Variants in KSR2 observed in about 807,000 individuals in gnomAD.
The protein encoded by KSR2 is kinase suppressor of ras 2.
In KSR2, 25 loss-of-function variants were observed where a neutral mutation model predicts 107.8. The observed-to-expected ratio is 0.23, with a 90% CI of 0.17 to 0.32. The LOEUF is 0.32. Ranked by LOEUF, KSR2 falls within the 10% of genes least tolerant of loss-of-function variation. The probability of loss-of-function intolerance (pLI) is 1.00; values close to 1 mark genes in which losing one functional copy is unlikely to be tolerated. For missense variants in KSR2, 887 were observed against 1,268.9 expected (o/e 0.70, Z 4.57); for synonymous variants, 480 against 507.0 (o/e 0.95, Z 0.71).
At chr12:117,555,061 C>T (rs986956500) in intron 9 of KSR2, 108 bp downstream of exon 9, 83 of 1,351,718 alleles carry the variant, frequency 6.1e-5, no homozygotes, top group Non-Finnish European at 7.4e-5. Flanking sequence ...GGAGCCGAGA[C>T]GGGCTAGGAG....
chr12:117,671,965 A>G (rs536912812), intron 4 of KSR2, among the ~76,000 whole-genome samples: 1 of 152,368 alleles, frequency 6.6e-6, no homozygotes, highest in East Asian at 1.9e-4. Context: ...ACTGTGAAGG[A>G]GGCCTGCTGC....
At chr12:117,813,619 T>C (rs572603617) in intron 3 of KSR2, among the ~76,000 whole-genome samples, 1 of 152,074 alleles carries the variant, frequency 6.6e-6, no homozygotes, top group Non-Finnish European at 1.5e-5. Context: ...ATGGCTACTA[T>C]CAGAAAGACA....
intron 1 of KSR2, among the ~76,000 whole-genome samples, chr12:117,877,422 T>C (rs551119356): frequency 6.6e-6 from 1 of 152,346 alleles, no homozygotes; most frequent in South Asian, 2.1e-4. Flanking sequence ...TTTATAATAA[T>C]AAAACTCACA....
chr12:117,730,657 C>T (rs1337726651), intron 4 of KSR2, among the ~76,000 whole-genome samples: 5 of 152,194 alleles, frequency 3.3e-5, no homozygotes, highest in African/African-American at 9.7e-5. Flanking sequence ...TGCAGGCACG[C>T]GCCGCCACGC....
At chr12:117,806,977 G>C (rs974671711) in intron 3 of KSR2, among the ~76,000 whole-genome samples, 4 of 152,186 alleles carry the variant, frequency 2.6e-5, no homozygotes, top group African/African-American at 9.6e-5. Context: ...CCCGTCCCCT[G>C]TCAGGATCCA....
In KSR2 at chr12:117,466,967, C is replaced by A. The variant is rs1871175367; in HGVS notation, c.*232G>T. ...GCCGCACTGATCAATAACGCATCAC[C>A]CTGGCTGGTCCGGTTCAGTCCTAGC... On this transcript the variant is annotated 3_prime_UTR_variant, in exon 20 of 20. Transcript: ENST00000339824. The A allele has an allele frequency of 2.2e-6, 1 of 456,448 alleles. No homozygotes were observed. The highest frequency in any genetic ancestry group is 3.8e-6 in the Non-Finnish European group (1 of 259,826). The allele number at this position is 456,448 out of a possible 1,614,324, so 28.3% of individuals were successfully genotyped here.
chr12:117,916,135 C>CTTTT (rs34082573), intron 1 of KSR2, among the ~76,000 whole-genome samples: 73 of 105,414 alleles, frequency 6.9e-4, no homozygotes, highest in African/African-American at 1.7e-3. Flanking sequence ...ATTTCTTCTT[C>CTTTT]TTTTTTTTTT....
chr12:117,965,168 C>T (rs533512016), intron 1 of KSR2, among the ~76,000 whole-genome samples: 6 of 152,312 alleles, frequency 3.9e-5, no homozygotes, highest in South Asian at 2.1e-4. Context: ...TCACACTCAC[C>T]AGGTCCTCCT....
At position 117,607,029 on chromosome 12, in the gene KSR2, T is replaced by C. The variant is rs1250350259; in HGVS notation, c.1172-24670A>G. 2.0e-5 allele frequency among the ~76,000 whole-genome samples: 3 copies of C among 152,136 alleles called. No individual in the cohort carries two copies. In the East Asian group the frequency reaches 5.8e-4, roughly 30 times the overall value. ...AGTCCCTGGGGAGTTCTGTAGGTGA[T>C]GGGACCATGTGTAGCTGATCTTGTC... On this transcript the variant is annotated intron_variant, in intron 5 of 19. Coordinates refer to ENST00000339824, the MANE Select transcript of KSR2 (RefSeq NM_173598.6).
At chr12:117,716,794 T>C (rs1478964538) in intron 4 of KSR2, among the ~76,000 whole-genome samples, 2 of 152,202 alleles carry the variant, frequency 1.3e-5, no homozygotes, top group East Asian at 3.8e-4. Flanking sequence ...CTGCCAACCA[T>C]GCAGGGTTGT....
intron 1 of KSR2, among the ~76,000 whole-genome samples, chr12:117,904,573 C>T (rs951797026): frequency 3.9e-5 from 6 of 152,214 alleles, no homozygotes; most frequent in African/African-American, 1.2e-4. Context: ...GAATATTGGA[C>T]ACCCACTATG....
chr12:117,490,277 C>A (rs563500540), intron 14 of KSR2, among the ~76,000 whole-genome samples: 8 of 152,308 alleles, frequency 5.3e-5, no homozygotes, highest in African/African-American at 1.9e-4. Context: ...AATCCCGACT[C>A]CAGCATTCAC....
In KSR2 at chr12:117,535,263, T is replaced by C. The variant is rs1321061725; in HGVS notation, c.1688-3556A>G. On this transcript the variant is annotated intron_variant, in intron 10 of 19. Transcript: ENST00000339824. ...AGTGCATGAAATTCAGGTCATTCATTCATTCAACAAACATGTAATGAGTGC... is the reference window on the plus strand; with the variant it reads ...AGTGCATGAAATTCAGGTCATTCATCCATTCAACAAACATGTAATGAGTGC... 3.9e-5 allele frequency among the ~76,000 whole-genome samples: 6 copies of C among 152,332 alleles called. No homozygotes were observed. The South Asian group carries it at 1.2e-3, about 32-fold the overall frequency.
intron 6 of KSR2, 125 bp downstream of exon 6, chr12:117,582,165 G>C: frequency 1.4e-6 from 1 of 735,870 alleles, no homozygotes; most frequent in Non-Finnish European, 2.3e-6. Context: ...AGGAGAAAGG[G>C]ACATGGTGAT....
intron 1 of KSR2, among the ~76,000 whole-genome samples, chr12:117,882,007 T>C (rs1566065418): frequency 3.3e-5 from 5 of 152,128 alleles, no homozygotes; most frequent in Non-Finnish European, 7.3e-5. Context: ...CAAAAGGATA[T>C]ACATTTCCCT....
chr12:117,519,480 G>T (rs1461291536), intron 14 of KSR2, among the ~76,000 whole-genome samples: 1 of 152,134 alleles, frequency 6.6e-6, no homozygotes, highest in African/African-American at 2.4e-5. Flanking sequence ...AAGTTCACAG[G>T]TAAGGCTGGT....
At chr12:117,474,297 T>G (rs751244163) in intron 17 of KSR2, among the ~76,000 whole-genome samples, 8 of 152,238 alleles carry the variant, frequency 5.3e-5, no homozygotes, top group Non-Finnish European at 1.2e-4. Flanking sequence ...TATTGCAATT[T>G]GGTTTCAGAT....
At chr12:117,773,920 A>C (rs923126501) in intron 3 of KSR2, among the ~76,000 whole-genome samples, 4 of 152,206 alleles carry the variant, frequency 2.6e-5, no homozygotes, top group East Asian at 1.9e-4. Flanking sequence ...GTATCACCTC[A>C]TAGTATCCTC....
At chr12:117,751,164 C>T (rs1888599484) in intron 4 of KSR2, among the ~76,000 whole-genome samples, 3 of 152,138 alleles carry the variant, frequency 2.0e-5, no homozygotes, top group African/African-American at 7.2e-5. Flanking sequence ...TTATAAAGGG[C>T]TTTTCCCCAC....
Sources: allele counts gnomAD v4.1 joint callset (sites outside exome capture counted in the v4.1 genomes callset), GRCh38; gene constraint gnomAD v4.1.1; transcripts MANE v1.5; gene names NCBI Gene and HGNC (gene_info 2026-07-23, HGNC 2026-07-21).